The following DOCK1 variants were observed in gnomAD, a reference collection of about 807,000 sequenced individuals.
DOCK1 encodes dedicator of cytokinesis 1.
A neutral mutation model predicts 262.7 loss-of-function variants in DOCK1; 138 were observed. The ratio of observed to expected loss-of-function variants is 0.53; its 90% confidence interval spans 0.46 to 0.61. The LOEUF (loss-of-function observed/expected upper bound fraction) is 0.61. DOCK1 is among the 20% of genes least tolerant of loss of function. The pLI is 0.00. For synonymous variants in DOCK1, 866 were observed against 867.4 expected (o/e 1.00, Z 0.03); for missense variants, 1,908 against 2,370.7 (o/e 0.80, Z 4.05).
In DOCK1 at chr10:127,241,713, G is replaced by T. The variant is rs531226522; in HGVS notation, c.2848-6295G>T. Among the ~76,000 whole-genome samples, 41 of 152,264 alleles carry T rather than the reference G, an allele frequency of 2.7e-4. No homozygotes were observed. The South Asian group carries it at 8.1e-3, about 30-fold the overall frequency. ...TTAAGCCTCCTTGCTGATATGCTGG[G>T]AGCTGAGCAGAAAAGAGAGAGGGGA... On this transcript the variant is annotated intron_variant, in intron 27 of 51. Coordinates refer to ENST00000623213, the MANE Select transcript of DOCK1 (RefSeq NM_001290223.2).
chr10:127,398,935 T>C (rs928578908), intron 38 of DOCK1, among the ~76,000 whole-genome samples: 14 of 152,258 alleles, frequency 9.2e-5, no homozygotes, highest in Admixed American at 4.6e-4. Flanking sequence ...CAGCTGCTTC[T>C]GTCTGGGAAC....
intron 29 of DOCK1, among the ~76,000 whole-genome samples, chr10:127,284,799 C>T (rs1349776662): frequency 6.6e-6 from 1 of 151,976 alleles, no homozygotes; most frequent in Non-Finnish European, 1.5e-5. Context: ...GGGTTAGTAC[C>T]ACATTGTTTT....
chr10:126,911,507 G>A (rs375526076), intron 1 of DOCK1, among the ~76,000 whole-genome samples: 3 of 152,178 alleles, frequency 2.0e-5, no homozygotes, highest in Non-Finnish European at 4.4e-5. Flanking sequence ...CCAGGTGGTC[G>A]CTTGTCAAGA....
intron 29 of DOCK1, among the ~76,000 whole-genome samples, chr10:127,264,403 C>T (rs1166762207): frequency 6.6e-6 from 1 of 152,094 alleles, no homozygotes; most frequent in East Asian, 1.9e-4. Flanking sequence ...CTGGGACCTA[C>T]GGGAAATAAT....
At chr10:126,988,178 G>A (rs962927911) in intron 5 of DOCK1, 2 of 152,214 alleles carry the variant, frequency 1.3e-5, no homozygotes, top group Admixed American at 6.5e-5. Flanking sequence ...TCTTATTAAT[G>A]CAGAGAGGTT....
At chr10:127,075,176 A>C (rs1321989446) in intron 23 of DOCK1, among the ~76,000 whole-genome samples, 1 of 29,292 alleles carries the variant, frequency 3.4e-5, no homozygotes, top group African/African-American at 1.1e-4. Context: ...TCTCAAAAAA[A>C]AAAAAAAAAA....
intron 1 of DOCK1, among the ~76,000 whole-genome samples, chr10:126,949,450 A>C (rs2035981254): frequency 6.6e-6 from 1 of 152,106 alleles, no homozygotes. Flanking sequence ...TGGCAGTCCA[A>C]AGTGGGTAGG....
At chr10:126,906,576 G>T (rs1270246724) in intron 1 of DOCK1, among the ~76,000 whole-genome samples, 1 of 152,150 alleles carries the variant, frequency 6.6e-6, no homozygotes. Context: ...CGACCCGACT[G>T]GGAAGACCTT....
chr10:127,380,673 C>T (rs1345180389), intron 36 of DOCK1, among the ~76,000 whole-genome samples: 3 of 152,184 alleles, frequency 2.0e-5, no homozygotes, highest in Non-Finnish European at 4.4e-5. Flanking sequence ...CTCTTGGTTA[C>T]TTCTAAAGTC....
intron 27 of DOCK1, among the ~76,000 whole-genome samples, chr10:127,238,263 A>G (rs935212668): frequency 4.6e-5 from 7 of 152,140 alleles, no homozygotes; most frequent in Admixed American, 4.6e-4. Context: ...ATGATGGAAC[A>G]TTTTTGGCAA....
chr10:127,401,404 T>A (rs2067217266), intron 38 of DOCK1, among the ~76,000 whole-genome samples: 1 of 152,180 alleles, frequency 6.6e-6, no homozygotes, highest in Non-Finnish European at 1.5e-5. Flanking sequence ...TAAAAAGTTT[T>A]AGAGCAGGAA....
chr10:126,925,493 C>G (rs2033624887), intron 1 of DOCK1, among the ~76,000 whole-genome samples: 1 of 152,216 alleles, frequency 6.6e-6, no homozygotes, highest in Non-Finnish European at 1.5e-5. Context: ...AAGCAATTAT[C>G]TTGCCTCAGC....
At chr10:127,166,151 T>C (rs2054058651) in intron 27 of DOCK1, among the ~76,000 whole-genome samples, 1 of 152,212 alleles carries the variant, frequency 6.6e-6, no homozygotes, top group South Asian at 2.1e-4. Flanking sequence ...CTGCAAGCTC[T>C]GCCTCCCGGG....
intron 18 of DOCK1, among the ~76,000 whole-genome samples, chr10:127,034,750 C>T (rs1205410357): frequency 6.6e-6 from 1 of 152,196 alleles, no homozygotes; most frequent in Non-Finnish European, 1.5e-5. Context: ...CGAAAGCATG[C>T]TCGGAAGTCA....
intron 31 of DOCK1, among the ~76,000 whole-genome samples, chr10:127,347,590 G>C (rs532428396): frequency 6.6e-6 from 1 of 152,042 alleles, no homozygotes; most frequent in East Asian, 1.9e-4. Flanking sequence ...GGCGGGGTGT[G>C]GGGGCTCGTG....
chr10:127,409,498 G>A lies in DOCK1; in HGVS notation c.4343+107G>A, dbSNP rs376700060. 7.0e-5 allele frequency: 84 copies of A among 1,199,740 alleles called. 1 individual carries two copies. Among genetic ancestry groups the A allele is most frequent in the African/African-American group, 3.9e-4 (26 of 66,554 alleles). The allele number at this position is 1,199,740 out of a possible 1,614,324, so 74.3% of individuals were successfully genotyped here. A position where few individuals can be genotyped will look rare whatever the true frequency, so the allele number is the denominator to read the frequency against. On this transcript the variant is annotated intron_variant, in intron 42 of 51. Transcript: ENST00000623213. Reference sequence around the variant, plus strand: ...AAGGACGGACTTTGGCCATGGATTCGCTTTCCAAATGCTCTTTCTGTCCTC... The same window carrying A: ...AAGGACGGACTTTGGCCATGGATTCACTTTCCAAATGCTCTTTCTGTCCTC...
intron 27 of DOCK1, among the ~76,000 whole-genome samples, chr10:127,129,330 T>C (rs1175119737): frequency 6.6e-6 from 1 of 152,230 alleles, no homozygotes; most frequent in African/African-American, 2.4e-5. Flanking sequence ...AACTTAAAGT[T>C]TAAACTTAAA....
intron 23 of DOCK1, among the ~76,000 whole-genome samples, chr10:127,102,235 T>C (rs1163997703): frequency 6.6e-6 from 1 of 152,196 alleles, no homozygotes; most frequent in Non-Finnish European, 1.5e-5. Flanking sequence ...CCAGCAGTGC[T>C]GACCTGGGCC....
chr10:127,062,598 G>A (rs1315724792), intron 23 of DOCK1, among the ~76,000 whole-genome samples: 2 of 152,206 alleles, frequency 1.3e-5, no homozygotes, highest in Admixed American at 1.3e-4. Flanking sequence ...CGAGGGAAAG[G>A]CCCCGGAGCC....
Sources: allele counts gnomAD v4.1 joint callset (sites outside exome capture counted in the v4.1 genomes callset), GRCh38; gene constraint gnomAD v4.1.1; transcripts MANE v1.5; gene names NCBI Gene and HGNC (gene_info 2026-07-23, HGNC 2026-07-21).